The following GRM5 variants were observed in gnomAD, a reference collection of about 807,000 sequenced individuals.
The protein encoded by GRM5 is metabotropic glutamate receptor 5.
In GRM5, 19 loss-of-function variants were observed where a neutral mutation model predicts 83.1. That is an observed-to-expected ratio of 0.23 (90% CI 0.16 to 0.34). GRM5 has a LOEUF of 0.34. GRM5 is among the 10% of genes least tolerant of loss of function. The probability of loss-of-function intolerance (pLI) is 1.00; values close to 1 mark genes in which losing one functional copy is unlikely to be tolerated. For synonymous variants in GRM5, 675 were observed against 633.6 expected (o/e 1.07, Z -0.98); for missense variants, 1,160 against 1,588.3 (o/e 0.73, Z 4.58).
intron 2 of GRM5, among the ~76,000 whole-genome samples, chr11:88,893,382 T>C (rs1219112416): frequency 6.6e-6 from 1 of 151,974 alleles, no homozygotes; most frequent in Non-Finnish European, 1.5e-5. Context: ...TTATAGATGG[T>C]TGTGGAAGTC....
At chr11:89,050,039 G>A (rs556751113) in intron 1 of GRM5, among the ~76,000 whole-genome samples, 20 of 152,148 alleles carry the variant, frequency 1.3e-4, no homozygotes, top group African/African-American at 4.8e-4. Flanking sequence ...ACATCAAAGT[G>A]ATATGAGAGA....
chr11:89,040,819 G>A (rs1034010584), intron 2 of GRM5, among the ~76,000 whole-genome samples: 5 of 152,108 alleles, frequency 3.3e-5, no homozygotes, highest in Non-Finnish European at 7.4e-5. Flanking sequence ...AAGAAAAGGA[G>A]GAGGGAAGGA....
At chr11:88,988,536 G>C (rs1436355004) in intron 2 of GRM5, among the ~76,000 whole-genome samples, 1 of 152,012 alleles carries the variant, frequency 6.6e-6, no homozygotes, top group East Asian at 1.9e-4. Flanking sequence ...CTCGAGAAGA[G>C]CAACTCCAAG....
At chr11:88,593,782 CTCTT>C (rs765125927) in intron 6 of GRM5, among the ~76,000 whole-genome samples, 9 of 93,478 alleles carry the variant, frequency 9.6e-5, no homozygotes, top group Non-Finnish European at 2.0e-4. Context: ...CTCTCTCTCT[CTCTT>C]TCTCTCTTTT....
intron 3 of GRM5, among the ~76,000 whole-genome samples, chr11:88,689,591 T>G (rs1940728818): frequency 6.6e-6 from 1 of 152,196 alleles, no homozygotes; most frequent in Admixed American, 6.5e-5. Context: ...ATCAACTTCT[T>G]TAGATGCTGA....
At chr11:88,748,977 A>G (rs1942203060) in intron 3 of GRM5, among the ~76,000 whole-genome samples, 1 of 152,186 alleles carries the variant, frequency 6.6e-6, no homozygotes, top group African/African-American at 2.4e-5. Flanking sequence ...AGATCAGCCC[A>G]CAAAGATGAG....
chr11:88,653,912 G>A (rs924151903), intron 3 of GRM5, among the ~76,000 whole-genome samples: 1 of 151,958 alleles, frequency 6.6e-6, no homozygotes, highest in Middle Eastern at 3.4e-3. Flanking sequence ...TGAATAATAG[G>A]TTTAAAAAAC....
At chr11:88,703,649 A>G (rs1457599649) in intron 3 of GRM5, among the ~76,000 whole-genome samples, 1 of 151,980 alleles carries the variant, frequency 6.6e-6, no homozygotes, top group Non-Finnish European at 1.5e-5. Flanking sequence ...CCCTCACGAT[A>G]TTCTTGTGAT....
chr11:88,926,962 C>T (rs1307897870), intron 2 of GRM5, among the ~76,000 whole-genome samples: 1 of 152,126 alleles, frequency 6.6e-6, no homozygotes, highest in Non-Finnish European at 1.5e-5. Context: ...TAAATATTTA[C>T]ATTTCAACTA....
intron 3 of GRM5, among the ~76,000 whole-genome samples, chr11:88,843,431 T>C (rs549146507): frequency 6.6e-6 from 1 of 152,214 alleles, no homozygotes; most frequent in African/African-American, 2.4e-5. Context: ...CATGCTACTG[T>C]TGTAATTGGT....
chr11:88,861,203 G>T (rs1352665514), intron 2 of GRM5, among the ~76,000 whole-genome samples: 1 of 151,948 alleles, frequency 6.6e-6, no homozygotes, highest in Admixed American at 6.6e-5. Context: ...AACTTCTTAG[G>T]ATATTTAATG....
At chr11:88,713,440 G>T (rs180946909) in intron 3 of GRM5, among the ~76,000 whole-genome samples, 1 of 151,902 alleles carries the variant, frequency 6.6e-6, no homozygotes, top group Non-Finnish European at 1.5e-5. Flanking sequence ...TTAATACATT[G>T]TATGTCATGT....
chr11:88,894,207 A>G (rs1945193441), intron 2 of GRM5, among the ~76,000 whole-genome samples: 1 of 151,970 alleles, frequency 6.6e-6, no homozygotes. Flanking sequence ...CCTGTGCATT[A>G]TGTAAACATC....
intron 4 of GRM5, 151 bp from the exon 5 acceptor site, chr11:88,605,115 C>A: frequency 1.6e-6 from 1 of 641,866 alleles, no homozygotes; most frequent in Non-Finnish European, 2.7e-6. Context: ...GAAACAGTAC[C>A]AACATAATGG....
chr11:88,657,971 A>C (rs1185815239), intron 3 of GRM5, among the ~76,000 whole-genome samples: 1 of 152,126 alleles, frequency 6.6e-6, no homozygotes, highest in Non-Finnish European at 1.5e-5. Flanking sequence ...TCTGGGACAT[A>C]CCAATCTTGT....
At chr11:88,760,288 G>T (rs1418842201) in intron 3 of GRM5, among the ~76,000 whole-genome samples, 4 of 151,962 alleles carry the variant, frequency 2.6e-5, no homozygotes, top group Non-Finnish European at 4.4e-5. Flanking sequence ...TGGGGAGTTG[G>T]TTTTTTCAGA....
At chr11:88,830,170 G>C (rs1166687500) in intron 3 of GRM5, among the ~76,000 whole-genome samples, 1 of 152,058 alleles carries the variant, frequency 6.6e-6, no homozygotes, top group African/African-American at 2.4e-5. Flanking sequence ...AATGCTACAT[G>C]TTAAAAAGGA....
At chr11:88,785,440 C>A (rs114174857) in intron 3 of GRM5, among the ~76,000 whole-genome samples, 1 of 151,848 alleles carries the variant, frequency 6.6e-6, no homozygotes, top group Non-Finnish European at 1.5e-5. Flanking sequence ...AAGAAATGGA[C>A]GTAAGTTGTT....
At chr11:88,547,990 G>T (rs1026519988) in intron 8 of GRM5, among the ~76,000 whole-genome samples, 1 of 152,172 alleles carries the variant, frequency 6.6e-6, no homozygotes, top group Non-Finnish European at 1.5e-5. Context: ...CTTGTGGGAG[G>T]TGGGGAAGGG....
Sources: allele counts gnomAD v4.1 joint callset (sites outside exome capture counted in the v4.1 genomes callset), GRCh38; gene constraint gnomAD v4.1.1; transcripts MANE v1.5; gene names NCBI Gene and HGNC (gene_info 2026-07-23, HGNC 2026-07-21).